PTCHD4: variants seen among roughly 807,000 people sequenced by gnomAD.
PTCHD4 encodes the protein patched domain-containing protein 4.
PTCHD4 carries 33 observed loss-of-function variants against 58.1 expected under a neutral mutation model. The observed-to-expected ratio is 0.57, with a 90% CI of 0.43 to 0.76. The LOEUF (loss-of-function observed/expected upper bound fraction) is 0.76, where lower values mean the gene tolerates loss of function less well. Ranked by LOEUF, PTCHD4 falls within the 30% of genes least tolerant of loss-of-function variation. PTCHD4 has a pLI of 0.00. For missense variants in PTCHD4, 1,058 were observed against 1,027.1 expected, an observed-to-expected ratio of 1.03 and a Z score of -0.41; for synonymous variants, 478 against 409.6, an observed-to-expected ratio of 1.17 and a Z score of -2.02.
chr6:47,879,658 G>C lies in PTCHD4; in HGVS notation c.1177C>G (p.Leu393Val). Reference protein sequence around the residue: ...FGSCLVFAGQLEQNRYHSIFC... With the variant: ...FGSCLVFAGQVEQNRYHSIFC... ...ATGCTGTGGTAGCGGTTTTGCTCTA[G>C]TTGGCCAGCAAAGACCAGACAGGAG... Residue 393 changes from leucine to valine, a missense_variant, in exon 5 of 5, where the codon CTA becomes GTA. Physicochemically the swap from Leu to Val is conservative, Grantham distance 32. Transcript: ENST00000339488. 1 of 1,613,600 alleles carries C rather than the reference G, an allele frequency of 6.2e-7. No individual in the cohort carries two copies. The highest frequency in any genetic ancestry group is 8.5e-7 in the Non-Finnish European group (1 of 1,179,714).
At chr6:48,097,486 G>T (rs889022392) in intron 1 of PTCHD4, among the ~76,000 whole-genome samples, 2 of 152,076 alleles carry the variant, frequency 1.3e-5, no homozygotes, top group African/African-American at 4.8e-5. Context: ...ATTCCAAGTA[G>T]CATGCTCATT....
rs555218740 is a variant in PTCHD4, at chr6:48,096,313, T to G, written c.-970+14736A>C. Among the ~76,000 whole-genome samples, 35 of 152,164 alleles carry G rather than the reference T, an allele frequency of 2.3e-4. No homozygotes were observed. The South Asian group carries it at 7.3e-3, about 32-fold the overall frequency. On this transcript the variant is annotated intron_variant, in intron 1 of 4. Coordinates refer to ENST00000339488, the MANE Select transcript of PTCHD4 (RefSeq NM_001384253.1). Reference sequence around the variant, plus strand: ...GGGGACACAGTAAATGGGGATGTCTTGAAATTCCTTGTGCATGGCATGGCG... The same window carrying G: ...GGGGACACAGTAAATGGGGATGTCTGGAAATTCCTTGTGCATGGCATGGCG...
At chr6:47,998,894 C>T (rs888914077) in intron 4 of PTCHD4, among the ~76,000 whole-genome samples, 22 of 152,130 alleles carry the variant, frequency 1.4e-4, no homozygotes, top group Non-Finnish European at 2.8e-4. Context: ...GAATTACATA[C>T]ATAAAAATAG....
intron 3 of PTCHD4, among the ~76,000 whole-genome samples, chr6:48,040,437 A>T (rs1763803588): frequency 2.7e-5 from 4 of 149,906 alleles, no homozygotes; most frequent in Middle Eastern, 3.4e-3. Context: ...ACCTACTATA[A>T]GTCAGTTTTT....
intron 1 of PTCHD4, among the ~76,000 whole-genome samples, chr6:48,088,796 C>G (rs915504400): frequency 6.6e-6 from 1 of 152,078 alleles, no homozygotes; most frequent in East Asian, 1.9e-4. Flanking sequence ...GTAATCCCAG[C>G]GCTCTGGGAG....
intron 4 of PTCHD4, among the ~76,000 whole-genome samples, chr6:47,963,201 C>T (rs572157255): frequency 1.5e-4 from 23 of 150,678 alleles, no homozygotes; most frequent in African/African-American, 5.1e-4. Context: ...AATAGACATT[C>T]CTAAAAGAAT....
chr6:48,039,936 G>T (rs1372542381), intron 3 of PTCHD4, among the ~76,000 whole-genome samples: 1 of 152,036 alleles, frequency 6.6e-6, no homozygotes, highest in African/African-American at 2.4e-5. Flanking sequence ...GTGTACAGAA[G>T]AAAAACCTGG....
At chr6:48,080,183 A>T (rs1562042578) in intron 1 of PTCHD4, among the ~76,000 whole-genome samples, 1 of 152,148 alleles carries the variant, frequency 6.6e-6, no homozygotes, top group Non-Finnish European at 1.5e-5. Context: ...ACATTCAAAA[A>T]TTTAGTCTTC....
At chr6:47,891,483 T>C (rs1001374990) in intron 4 of PTCHD4, among the ~76,000 whole-genome samples, 4 of 151,994 alleles carry the variant, frequency 2.6e-5, no homozygotes, top group Non-Finnish European at 5.9e-5. Context: ...AAACGTAAAA[T>C]GGACTAAATC....
intron 4 of PTCHD4, among the ~76,000 whole-genome samples, chr6:47,919,861 T>A (rs141694636): frequency 6.3e-4 from 96 of 152,292 alleles, no homozygotes; most frequent in African/African-American, 2.2e-3. Context: ...GCTATGTTGT[T>A]GAGTCTGCCT....
chr6:48,048,697 T>G (rs1326954643), intron 3 of PTCHD4, among the ~76,000 whole-genome samples: 2 of 151,940 alleles, frequency 1.3e-5, no homozygotes, highest in Non-Finnish European at 2.9e-5. Flanking sequence ...GATGAATTAT[T>G]TAACATCCAG....
chr6:47,871,866 C>T lies in PTCHD4; in HGVS notation c.*6437G>A, dbSNP rs533441395. ...AAGTATAATAAAGTTGTTGCTTAAA[C>T]TACTAAAACTTTGGGATATTTGCAT... On this transcript the variant is annotated 3_prime_UTR_variant, in exon 5 of 5. Coordinates refer to ENST00000339488, the MANE Select transcript of PTCHD4 (RefSeq NM_001384253.1). 4.6e-5 allele frequency among the ~76,000 whole-genome samples: 7 copies of T among 151,686 alleles called. No homozygotes were observed. The highest frequency in any genetic ancestry group is 3.9e-4 in the Admixed American group (6 of 15,190).
At chr6:47,896,797 C>G (rs1764541600) in intron 4 of PTCHD4, among the ~76,000 whole-genome samples, 1 of 152,168 alleles carries the variant, frequency 6.6e-6, no homozygotes, top group Non-Finnish European at 1.5e-5. Context: ...ACACTCTCCT[C>G]TCATTTAATG....
intron 4 of PTCHD4, among the ~76,000 whole-genome samples, chr6:47,928,609 A>T (rs1765705710): frequency 6.6e-6 from 1 of 152,226 alleles, no homozygotes; most frequent in Non-Finnish European, 1.5e-5. Context: ...CCCAACCATG[A>T]AGAATTGATC....
At chr6:48,096,849 A>G (rs557412729) in intron 1 of PTCHD4, among the ~76,000 whole-genome samples, 12 of 152,278 alleles carry the variant, frequency 7.9e-5, no homozygotes, top group Admixed American at 7.8e-4. Flanking sequence ...TTAGACAAGT[A>G]AGAATTAATA....
rs187831941 is a variant in PTCHD4 at position 48,035,993 on chromosome 6, C to T, written c.418-26879G>A. Among the ~76,000 whole-genome samples, 434 of 152,138 alleles carry T rather than the reference C, an allele frequency of 2.9e-3. 1 individual carries two copies. Among genetic ancestry groups the T allele is most frequent in the Non-Finnish European group, 4.0e-3 (272 of 67,998 alleles). ...AAGATCACCCCCTGAATAAACCCTG[C>T]CTTACATTCTTTAATGGTGTCATTG... On this transcript the variant is annotated intron_variant, in intron 3 of 4. Transcript: ENST00000339488.
intron 4 of PTCHD4, among the ~76,000 whole-genome samples, chr6:47,960,091 G>A (rs186297862): frequency 2.0e-5 from 3 of 152,222 alleles, no homozygotes; most frequent in African/African-American, 7.2e-5. Context: ...AGAAATGGAA[G>A]TATGCTATGT....
chr6:47,884,138 A>T (rs1006935162), intron 4 of PTCHD4, among the ~76,000 whole-genome samples: 8 of 152,002 alleles, frequency 5.3e-5, no homozygotes, highest in Non-Finnish European at 1.0e-4. Flanking sequence ...ATATTCATTT[A>T]TGTATCTACC....
Position 47,878,393 on chromosome 6 carries a change from G to A in PTCHD4, c.2442C>T (p.His814=). The A allele has an allele frequency of 6.2e-7, 1 of 1,613,174 alleles. No individual in the cohort carries two copies. The highest frequency in any genetic ancestry group is 8.5e-7 in the Non-Finnish European group (1 of 1,179,598). ...LTFFPPSKKH[H]KKKKRAKRKE... ...TTCGCTTGGCACGTTTCTTTTTCTT[G>A]TGGTGCTTTTTGGAAGGGGGGAAAA... Residue 814 remains histidine (H), a synonymous_variant, in exon 5 of 5, where the codon CAC becomes CAT. Coordinates refer to ENST00000339488, the MANE Select transcript of PTCHD4 (RefSeq NM_001384253.1).
Sources: allele counts gnomAD v4.1 joint callset (sites outside exome capture counted in the v4.1 genomes callset), GRCh38; gene constraint gnomAD v4.1.1; transcripts MANE v1.5; gene names NCBI Gene and HGNC (gene_info 2026-07-23, HGNC 2026-07-21).